PTPRD: variants seen among roughly 807,000 people sequenced by gnomAD.
PTPRD encodes protein tyrosine phosphatase receptor type D, also known as receptor-type tyrosine-protein phosphatase delta.
Under a neutral mutation model 214.5 loss-of-function variants are expected in PTPRD, and 34 were observed. The observed-to-expected ratio is 0.16, with a 90% CI of 0.12 to 0.21. The LOEUF (loss-of-function observed/expected upper bound fraction) is 0.21. PTPRD is among the 10% of genes least tolerant of loss of function. The pLI, the probability that PTPRD is intolerant of heterozygous loss-of-function variation, is 1.00. For missense variants in PTPRD, 2,545 were observed against 2,398.7 expected, an observed-to-expected ratio of 1.06 and a Z score of -1.27; for synonymous variants, 1,128 against 845.7, an observed-to-expected ratio of 1.33 and a Z score of -5.79.
intron 5 of PTPRD, among the ~76,000 whole-genome samples, chr9:9,773,028 A>G (rs2098765851): frequency 6.6e-6 from 1 of 152,192 alleles, no homozygotes; most frequent in Non-Finnish European, 1.5e-5. Flanking sequence ...CCCATAGCAC[A>G]TAGGAAATAT....
intron 2 of PTPRD, among the ~76,000 whole-genome samples, chr9:10,525,939 C>G (rs1048933335): frequency 2.6e-5 from 4 of 152,084 alleles, no homozygotes; most frequent in African/African-American, 9.7e-5. Context: ...GACATAGTTA[C>G]TAACCTCATG....
intron 3 of PTPRD, among the ~76,000 whole-genome samples, chr9:10,267,166 G>A (rs555782273): frequency 3.5e-4 from 52 of 149,074 alleles, no homozygotes; most frequent in African/African-American, 1.2e-3. Flanking sequence ...ACTCCAGCCC[G>A]GGCGACAGAG....
intron 2 of PTPRD, among the ~76,000 whole-genome samples, chr9:10,531,070 C>T (rs919200091): frequency 1.3e-5 from 2 of 152,074 alleles, no homozygotes; most frequent in Non-Finnish European, 2.9e-5. Flanking sequence ...CTGCGTAAGC[C>T]TTCCGAGTGG....
chr9:9,383,193 T>A (rs1427626254), intron 9 of PTPRD, among the ~76,000 whole-genome samples: 3 of 152,074 alleles, frequency 2.0e-5, no homozygotes, highest in Non-Finnish European at 4.4e-5. Context: ...ATAACTTTCA[T>A]ATCATTTCCA....
chr9:10,336,523 A>C (rs1026998813), intron 3 of PTPRD, among the ~76,000 whole-genome samples: 1 of 151,728 alleles, frequency 6.6e-6, no homozygotes, highest in African/African-American at 2.4e-5. Flanking sequence ...AGCATAGAAT[A>C]AATCAGAAAA....
intron 9 of PTPRD, among the ~76,000 whole-genome samples, chr9:9,267,122 T>C (rs1940236864): frequency 1.3e-5 from 2 of 151,310 alleles, no homozygotes; most frequent in Admixed American, 1.3e-4. Context: ...CCACGCATTA[T>C]ATGTATTGAA....
At position 8,330,337 on chromosome 9, in the gene PTPRD, T is replaced by C. The variant is rs1020616704; in HGVS notation, c.5534+1245A>G. On this transcript the variant is annotated intron_variant, in intron 44 of 45. Transcript: ENST00000381196. ...CATCTTTCCAGCTCTTGTAAGTACATTGTTGTTTGTTTAGACCTAATGCTA... is the reference window on the plus strand; with the variant it reads ...CATCTTTCCAGCTCTTGTAAGTACACTGTTGTTTGTTTAGACCTAATGCTA... Among the ~76,000 whole-genome samples, 6 of 152,062 alleles carry C rather than the reference T, an allele frequency of 3.9e-5. No individual in the cohort carries two copies. The East Asian group carries it at 5.8e-4, about 15-fold the overall frequency.
intron 11 of PTPRD, among the ~76,000 whole-genome samples, chr9:8,835,196 G>A (rs996127130): frequency 3.3e-5 from 5 of 152,212 alleles, no homozygotes; most frequent in African/African-American, 1.2e-4. Flanking sequence ...GACATCACCT[G>A]AGTTTATGGG....
At chr9:9,480,308 G>C (rs2095351437) in intron 8 of PTPRD, among the ~76,000 whole-genome samples, 1 of 152,144 alleles carries the variant, frequency 6.6e-6, no homozygotes, top group Non-Finnish European at 1.5e-5. Context: ...TTCGGCTTGA[G>C]ACATTGCTCA....
chr9:10,060,421 A>C (rs777299244), intron 3 of PTPRD, among the ~76,000 whole-genome samples: 4 of 152,102 alleles, frequency 2.6e-5, no homozygotes, highest in Non-Finnish European at 4.4e-5. Context: ...AAGTGTCATT[A>C]CTGCCTTCTT....
chr9:10,501,650 A>T (rs2043758489), intron 2 of PTPRD, among the ~76,000 whole-genome samples: 1 of 152,050 alleles, frequency 6.6e-6, no homozygotes, highest in Non-Finnish European at 1.5e-5. Flanking sequence ...AGACAAAGGG[A>T]CAGTATTCTT....
chr9:9,674,685 C>G (rs1246250596), intron 7 of PTPRD, among the ~76,000 whole-genome samples: 3 of 151,680 alleles, frequency 2.0e-5, no homozygotes, highest in African/African-American at 7.2e-5. Flanking sequence ...GCAAAATCAG[C>G]ATTTTGATAA....
chr9:9,459,878 A>G (rs1444060297), intron 8 of PTPRD, among the ~76,000 whole-genome samples: 4 of 152,076 alleles, frequency 2.6e-5, no homozygotes, highest in African/African-American at 9.7e-5. Context: ...AAAGAGCCCA[A>G]GTAGCCAAAC....
intron 9 of PTPRD, among the ~76,000 whole-genome samples, chr9:9,199,801 A>G (rs1055127861): frequency 3.6e-5 from 3 of 83,610 alleles, no homozygotes; most frequent in African/African-American, 1.2e-4. Context: ...TATATAAATT[A>G]TAAACATCAT....
intron 5 of PTPRD, among the ~76,000 whole-genome samples, chr9:9,846,247 A>G (rs1454341320): frequency 6.6e-6 from 1 of 152,126 alleles, no homozygotes. Context: ...AAAGCACTGC[A>G]GCAAGGGATA....
At chr9:10,321,941 ATTAG>A (rs1565281619) in intron 3 of PTPRD, among the ~76,000 whole-genome samples, 2 of 152,080 alleles carry the variant, frequency 1.3e-5, no homozygotes, top group African/African-American at 4.8e-5. Flanking sequence ...AGGAAGATTT[ATTAG>A]TTAGAGATGC....
intron 7 of PTPRD, among the ~76,000 whole-genome samples, chr9:9,587,224 T>A (rs1338337322): frequency 6.6e-6 from 1 of 151,992 alleles, no homozygotes; most frequent in Non-Finnish European, 1.5e-5. Flanking sequence ...ATAATAATTA[T>A]AATTGTTAAT....
chr9:9,799,843 A>G (rs2099027470), intron 5 of PTPRD, among the ~76,000 whole-genome samples: 1 of 152,204 alleles, frequency 6.6e-6, no homozygotes, highest in Non-Finnish European at 1.5e-5. Context: ...CTAGACTGAG[A>G]GAGACTAGGT....
chr9:9,416,874 C>A (rs2077144730), intron 8 of PTPRD, among the ~76,000 whole-genome samples: 2 of 152,080 alleles, frequency 1.3e-5, no homozygotes, highest in Non-Finnish European at 2.9e-5. Context: ...CCTATTATTT[C>A]ACAATTTTCA....
Sources: gnomAD v4.1 joint callset for allele counts (sites outside exome capture counted in the v4.1 genomes callset) on GRCh38, gnomAD v4.1.1 for gene constraint, MANE v1.5 for transcripts, NCBI Gene and HGNC (gene_info 2026-07-23, HGNC 2026-07-21) for gene names.